The following PARD3 variants were observed in gnomAD, a reference collection of about 807,000 sequenced individuals.
PARD3 encodes the protein partitioning defective 3 homolog.
PARD3 carries 75 observed loss-of-function variants against 155.4 expected under a neutral mutation model. The observed-to-expected ratio is 0.48, with a 90% CI of 0.40 to 0.58. The LOEUF (loss-of-function observed/expected upper bound fraction) is 0.58, where lower values mean the gene tolerates loss of function less well. PARD3 is among the 20% of genes least tolerant of loss of function. The probability of loss-of-function intolerance (pLI) is 0.00; values close to 1 mark genes in which losing one functional copy is unlikely to be tolerated. For missense variants in PARD3, 1,642 were observed against 1,721.7 expected (o/e 0.95, Z 0.82); for synonymous variants, 576 against 610.5 (o/e 0.94, Z 0.83).
At chr10:34,392,396 T>C (rs1310083268) in intron 7 of PARD3, among the ~76,000 whole-genome samples, 3 of 152,148 alleles carry the variant, frequency 2.0e-5, no homozygotes, top group African/African-American at 4.8e-5. Context: ...TGAAAAAAAT[T>C]ATTTGGGATA....
rs565417852 is a variant in PARD3, at chr10:34,337,492, G to T, written c.2409-66C>A. 56 of 986,808 alleles carry T rather than the reference G, an allele frequency of 5.7e-5. No individual in the cohort carries two copies. The East Asian group carries it at 1.4e-3, about 24-fold the overall frequency. The allele number at this position is 986,808 out of a possible 1,614,324, so 61.1% of individuals were successfully genotyped here. A position where few individuals can be genotyped will look rare whatever the true frequency, so the allele number is the denominator to read the frequency against. ...AATAGCACGCATCCATTTTAGGGAG[G>T]TTCATACATACCTGCAAGTGTAAAT... On this transcript the variant is annotated intron_variant, in intron 16 of 24. Transcript: ENST00000374788.
At chr10:34,479,385 T>TGATCCGCC (rs2078925914) in intron 3 of PARD3, among the ~76,000 whole-genome samples, 4 of 152,112 alleles carry the variant, frequency 2.6e-5, no homozygotes, top group Middle Eastern at 3.4e-3. Flanking sequence ...ATGGACTCTA[T>TGATCCGCC]CTCCTGACCT....
intron 2 of PARD3, among the ~76,000 whole-genome samples, chr10:34,680,577 GA>G (rs1380643058): frequency 6.7e-6 from 1 of 149,700 alleles, no homozygotes; most frequent in East Asian, 2.0e-4. Flanking sequence ...AAAATGAGGG[GA>G]GGGGAAGGGG....
chr10:34,747,934 T>C (rs1034995863), intron 1 of PARD3, among the ~76,000 whole-genome samples: 5 of 152,156 alleles, frequency 3.3e-5, no homozygotes, highest in Admixed American at 6.5e-5. Flanking sequence ...AGGCTCCCCT[T>C]GTAGCTGGGC....
chr10:34,295,562 A>C (rs1490132011), intron 20 of PARD3, among the ~76,000 whole-genome samples: 1 of 152,172 alleles, frequency 6.6e-6, no homozygotes, highest in Admixed American at 6.5e-5. Context: ...CTGGAACTGA[A>C]GGCAATGCTT....
Position 34,489,571 on chromosome 10 carries a change from G to C in PARD3, c.404-19308C>G, listed in dbSNP as rs541644689. On this transcript the variant is annotated intron_variant, in intron 3 of 24. Coordinates refer to ENST00000374788, the MANE Select transcript of PARD3 (RefSeq NM_001184785.2). ...TTAATAAAGCCATTTGGCACCAACT[G>C]GTTGCTCCAAGGCAGCAATAAGACT... Among the ~76,000 whole-genome samples, 7 of 152,260 alleles carry C rather than the reference G, an allele frequency of 4.6e-5. No homozygotes were observed. In the South Asian group the frequency reaches 6.2e-4, roughly 14 times the overall value.
intron 2 of PARD3, among the ~76,000 whole-genome samples, chr10:34,660,843 T>C (rs1454737586): frequency 6.6e-6 from 1 of 152,192 alleles, no homozygotes; most frequent in Non-Finnish European, 1.5e-5. Context: ...GTTTCCAGAC[T>C]GGAAAATTAT....
At chr10:34,468,468 C>T (rs2078145757) in intron 4 of PARD3, among the ~76,000 whole-genome samples, 1 of 152,040 alleles carries the variant, frequency 6.6e-6, no homozygotes, top group African/African-American at 2.4e-5. Context: ...TTGTGAATAT[C>T]CATGTAAATT....
intron 2 of PARD3, among the ~76,000 whole-genome samples, chr10:34,692,553 T>A (rs1389781621): frequency 6.6e-6 from 1 of 152,068 alleles, no homozygotes; most frequent in East Asian, 1.9e-4. Flanking sequence ...TTAAGCAAAC[T>A]AACAAGCATA....
intron 2 of PARD3, among the ~76,000 whole-genome samples, chr10:34,553,856 A>C (rs1330961873): frequency 6.6e-6 from 1 of 152,248 alleles, no homozygotes; most frequent in Non-Finnish European, 1.5e-5. Context: ...AATTCTGCTG[A>C]GCAGATCCAG....
chr10:34,424,619 A>G (rs944109691), intron 5 of PARD3, among the ~76,000 whole-genome samples: 5 of 151,860 alleles, frequency 3.3e-5, no homozygotes, highest in Admixed American at 2.0e-4. Context: ...GGTTCAAGAG[A>G]TTCTCATTTC....
chr10:34,368,637 A>G (rs1840235748), intron 12 of PARD3, among the ~76,000 whole-genome samples: 1 of 151,902 alleles, frequency 6.6e-6, no homozygotes, highest in African/African-American at 2.4e-5. Context: ...GCACCATTGC[A>G]CTCCAGCCTG....
intron 22 of PARD3, among the ~76,000 whole-genome samples, chr10:34,163,337 G>C (rs1949374135): frequency 6.6e-6 from 1 of 152,194 alleles, no homozygotes; most frequent in African/African-American, 2.4e-5. Flanking sequence ...ACCAGATAAG[G>C]CTTCTTGGGT....
At chr10:34,132,321 AC>A (rs1947657570) in intron 22 of PARD3, among the ~76,000 whole-genome samples, 1 of 56,324 alleles carries the variant, frequency 1.8e-5, no homozygotes. Flanking sequence ...TCACACACCC[AC>A]CCACCCACCC....
chr10:34,810,042 G>A (rs948951627), intron 1 of PARD3, among the ~76,000 whole-genome samples: 6 of 151,834 alleles, frequency 4.0e-5, no homozygotes, highest in African/African-American at 1.2e-4. Flanking sequence ...ACAGTCTCCC[G>A]CCACCAAAAA....
At chr10:34,727,589 A>G (rs2094737868) in intron 1 of PARD3, among the ~76,000 whole-genome samples, 1 of 151,954 alleles carries the variant, frequency 6.6e-6, no homozygotes, top group Admixed American at 6.6e-5. Context: ...TTGAACGACA[A>G]CAACAAAAAA....
At chr10:34,333,692 T>C (rs1470535768) in intron 18 of PARD3, among the ~76,000 whole-genome samples, 2 of 152,238 alleles carry the variant, frequency 1.3e-5, no homozygotes, top group East Asian at 3.9e-4. Context: ...CATGCCCATG[T>C]ATTTACATAT....
At chr10:34,214,581 C>T (rs573018097) in intron 22 of PARD3, among the ~76,000 whole-genome samples, 1 of 152,042 alleles carries the variant, frequency 6.6e-6, no homozygotes, top group African/African-American at 2.4e-5. Flanking sequence ...ACTTCGGGAG[C>T]TCAGGCAAGA....
At chr10:34,152,877 A>G (rs573143146) in intron 22 of PARD3, among the ~76,000 whole-genome samples, 1 of 152,304 alleles carries the variant, frequency 6.6e-6, no homozygotes. Context: ...ATTAAAGAGC[A>G]TTCCAATGAT....
Sources: gnomAD v4.1 joint callset for allele counts (sites outside exome capture counted in the v4.1 genomes callset) on GRCh38, gnomAD v4.1.1 for gene constraint, MANE v1.5 for transcripts, NCBI Gene and HGNC (gene_info 2026-07-23, HGNC 2026-07-21) for gene names.